Variants in DYNC2I2 observed in about 807,000 individuals in gnomAD.
DYNC2I2 encodes dynein 2 intermediate chain 2, also known as cytoplasmic dynein 2 intermediate chain 2.
In DYNC2I2, 39 loss-of-function variants were observed where a neutral mutation model predicts 52.0. That is an observed-to-expected ratio of 0.75 (90% CI 0.58 to 0.98). The LOEUF (loss-of-function observed/expected upper bound fraction) is 0.98, where lower values mean the gene tolerates loss of function less well. DYNC2I2 is among the 50% of genes least tolerant of loss of function. The probability of loss-of-function intolerance (pLI) is 0.00; values close to 1 mark genes in which losing one functional copy is unlikely to be tolerated. For synonymous variants in DYNC2I2, 359 were observed against 321.1 expected (o/e 1.12, Z -1.26); for missense variants, 743 against 728.4 (o/e 1.02, Z -0.23).
At chr9:128,635,025 C>T in intron 6 of DYNC2I2, 67 bp downstream of exon 6, 1 of 1,583,612 alleles carries the variant, frequency 6.3e-7, no homozygotes, top group Non-Finnish European at 8.6e-7. Flanking sequence ...GTCAGGCCCA[C>T]TGCCACACCT....
intron 1 of DYNC2I2, among the ~76,000 whole-genome samples, chr9:128,642,569 G>A (rs1860536930): frequency 6.6e-6 from 1 of 151,754 alleles, no homozygotes; most frequent in Non-Finnish European, 1.5e-5. Context: ...AGGAGATCGA[G>A]ACCATCCTGG....
At chr9:128,663,613 C>T in the DYNC2I2 span, 1 of 150,336 alleles carries the variant, frequency 6.7e-6, no homozygotes, top group East Asian at 1.9e-4. Context: ...TTCTGTAGCC[C>T]AATTAGGTTT....
the DYNC2I2 span, among the ~76,000 whole-genome samples, chr9:128,670,133 C>G: frequency 6.6e-6 from 1 of 151,734 alleles, no homozygotes; most frequent in African/African-American, 2.4e-5. Flanking sequence ...GAGTAAGACT[C>G]TGTCTCAAAG....
the DYNC2I2 span, among the ~76,000 whole-genome samples, chr9:128,668,276 C>T: frequency 7.2e-6 from 1 of 139,256 alleles, no homozygotes; most frequent in Admixed American, 7.3e-5. Context: ...ATCTCTTGAC[C>T]TTGTAATCTG....
chr9:128,647,250 G>T (rs916995435), intron 1 of DYNC2I2, among the ~76,000 whole-genome samples: 1 of 152,206 alleles, frequency 6.6e-6, no homozygotes, highest in Non-Finnish European at 1.5e-5. Context: ...TTGGGGATGA[G>T]GCCCAAGTCC....
At chr9:128,681,921 A>G in the DYNC2I2 span, among the ~76,000 whole-genome samples, 1 of 152,174 alleles carries the variant, frequency 6.6e-6, no homozygotes, top group Non-Finnish European at 1.5e-5. Flanking sequence ...TAAAATACAA[A>G]AATTAGTCAC....
At chr9:128,662,040 CAAA>C in the DYNC2I2 span, among the ~76,000 whole-genome samples, 1 of 127,804 alleles carries the variant, frequency 7.8e-6, no homozygotes. Context: ...GACTCCATCT[CAAA>C]AAAAAAAAAG....
Position 128,656,603 on chromosome 9 carries a change from T to C in DYNC2I2, c.124A>G (p.Thr42Ala). 1 of 1,492,852 alleles carries C rather than the reference T, an allele frequency of 6.7e-7. No homozygotes were observed. The highest frequency in any genetic ancestry group is 8.9e-7 in the Non-Finnish European group (1 of 1,129,210). 92.5% of individuals were successfully genotyped at this position (1,492,852 alleles called of 1,614,324 possible). A position where few individuals can be genotyped will look rare whatever the true frequency, so the allele number is the denominator to read the frequency against. Residue 42 changes from threonine (T) to alanine (A), a missense_variant, in exon 1 of 9, where the codon ACC (threonine) becomes GCC (alanine). By Grantham distance (58) the Thr-to-Ala change is moderately conservative (BLOSUM62 0). Coordinates refer to ENST00000372715, the MANE Select transcript of DYNC2I2 (RefSeq NM_052844.4). ...GAGGGCACGGACGCCACACCCAGGG[T>C]CTCGTCCTGCAGCGGCCCTGGCCGC... ...PGRPGPLQDE[T>A]LGVASVPSQW...
chr9:128,657,084 T>G (rs1483689380), upstream of DYNC2I2, among the ~76,000 whole-genome samples: 1 of 152,238 alleles, frequency 6.6e-6, no homozygotes, highest in Admixed American at 6.5e-5. Flanking sequence ...CCGCGAGGTC[T>G]GGGCCTGGGA....
upstream of DYNC2I2, among the ~76,000 whole-genome samples, chr9:128,661,319 A>AC (rs1284455321): frequency 1.1e-3 from 161 of 151,150 alleles, no homozygotes; most frequent in African/African-American, 3.8e-3. Flanking sequence ...AAAAAAAAAA[A>AC]AAAACAAAAA....
chr9:128,639,694 C>T (rs988166073), intron 2 of DYNC2I2, among the ~76,000 whole-genome samples: 1 of 152,038 alleles, frequency 6.6e-6, no homozygotes, highest in Admixed American at 6.6e-5. Flanking sequence ...GAGATGGAGT[C>T]TTGCTCTGTC....
In DYNC2I2 at chr9:128,656,817, A is replaced by G. The variant is rs991268839; in HGVS notation, c.-91T>C. ...GCGGAAAACGGGGAATGTGAGGCTG[A>G]CGGCGCCATGTTTGAATTGGTCGCA... On this transcript the variant is annotated 5_prime_UTR_variant, in exon 1 of 9. Coordinates refer to ENST00000372715, the MANE Select transcript of DYNC2I2 (RefSeq NM_052844.4). 4 of 1,260,750 alleles carry G rather than the reference A, an allele frequency of 3.2e-6. No homozygotes were observed. The South Asian group carries it at 6.1e-5, about 19-fold the overall frequency. The allele number at this position is 1,260,750 out of a possible 1,614,324, so 78.1% of individuals were successfully genotyped here.
At chr9:128,662,481 G>A in the DYNC2I2 span, among the ~76,000 whole-genome samples, 27 of 151,456 alleles carry the variant, frequency 1.8e-4, no homozygotes, top group South Asian at 5.1e-3. Context: ...GCGCGATCTC[G>A]GCTCACTGCA....
the DYNC2I2 span, among the ~76,000 whole-genome samples, chr9:128,677,846 A>G: frequency 3.9e-5 from 6 of 152,036 alleles, no homozygotes; most frequent in Non-Finnish European, 8.8e-5. Flanking sequence ...AGGGTAGAGT[A>G]ACACTGCTAC....
chr9:128,672,261 C>T, the DYNC2I2 span, among the ~76,000 whole-genome samples: 56 of 152,072 alleles, frequency 3.7e-4, no homozygotes, highest in Non-Finnish European at 7.1e-4. Flanking sequence ...TGAGCCACCG[C>T]GCCCGGCCAA....
At chr9:128,666,057 A>G in the DYNC2I2 span, among the ~76,000 whole-genome samples, 1 of 152,028 alleles carries the variant, frequency 6.6e-6, no homozygotes, top group African/African-American at 2.4e-5. Context: ...CCTGGGAGAC[A>G]GAGCAAGACT....
chr9:128,634,169 G>C, intron 8 of DYNC2I2, 57 bp downstream of exon 8: 1 of 1,603,300 alleles, frequency 6.2e-7, no homozygotes, highest in Middle Eastern at 1.8e-4. Context: ...CCAGGTACAA[G>C]CAGGGCCCAG....
At chr9:128,673,161 C>T in the DYNC2I2 span, among the ~76,000 whole-genome samples, 1 of 152,148 alleles carries the variant, frequency 6.6e-6, no homozygotes, top group Admixed American at 6.6e-5. Flanking sequence ...TTATAATGAT[C>T]AAACAGTAGT....
chr9:128,658,041 C>A (rs564682592), upstream of DYNC2I2, among the ~76,000 whole-genome samples: 1 of 152,042 alleles, frequency 6.6e-6, no homozygotes, highest in Non-Finnish European at 1.5e-5. Context: ...TGCAGAGAGC[C>A]CTGATTGAAC....
Sources: allele counts gnomAD v4.1 joint callset (sites outside exome capture counted in the v4.1 genomes callset), GRCh38; gene constraint gnomAD v4.1.1; transcripts MANE v1.5; gene names NCBI Gene and HGNC (gene_info 2026-07-23, HGNC 2026-07-21).